Variants in KAT6A observed in about 807,000 individuals in gnomAD.
The protein encoded by KAT6A is histone acetyltransferase KAT6A.
Under a neutral mutation model 198.4 loss-of-function variants are expected in KAT6A, and 9 were observed. The ratio of observed to expected loss-of-function variants is 0.05; its 90% CI spans 0.03 to 0.08. The LOEUF is 0.08. Ranked by LOEUF, KAT6A falls within the 10% of genes least tolerant of loss-of-function variation. The pLI is 1.00. For synonymous variants in KAT6A, 890 were observed against 883.0 expected (o/e 1.01, Z -0.14); for missense variants, 2,077 against 2,509.9 (o/e 0.83, Z 3.69).
At chr8:42,027,952 T>A (rs979231274) in intron 2 of KAT6A, among the ~76,000 whole-genome samples, 1 of 152,192 alleles carries the variant, frequency 6.6e-6, no homozygotes, top group Non-Finnish European at 1.5e-5. Flanking sequence ...TTTTGCTATA[T>A]CCCATTTGTT....
chr8:41,986,351 A>T (rs1824601534), intron 3 of KAT6A, among the ~76,000 whole-genome samples: 1 of 150,826 alleles, frequency 6.6e-6, no homozygotes, highest in African/African-American at 2.4e-5. Context: ...GCTAGACTGC[A>T]GTATCAACAC....
At chr8:42,001,631 A>G (rs1276842726) in intron 2 of KAT6A, among the ~76,000 whole-genome samples, 2 of 152,226 alleles carry the variant, frequency 1.3e-5, no homozygotes, top group African/African-American at 4.8e-5. Context: ...AGTGCAGAGC[A>G]GAGGGAAGAG....
intron 6 of KAT6A, 48 bp from the exon 7 acceptor site, chr8:41,977,375 T>A: frequency 7.3e-7 from 1 of 1,378,774 alleles, no homozygotes; most frequent in Non-Finnish European, 1.0e-6. Context: ...AAGATACTTG[T>A]AAGGTTCCTT....
At chr8:42,027,704 G>T (rs2150919871) in intron 2 of KAT6A, among the ~76,000 whole-genome samples, 1 of 152,082 alleles carries the variant, frequency 6.6e-6, no homozygotes, top group African/African-American at 2.4e-5. Context: ...CTCGCTAGCA[G>T]TTTATCAATT....
At chr8:42,042,488 G>A (rs557297048) in intron 2 of KAT6A, among the ~76,000 whole-genome samples, 7 of 149,942 alleles carry the variant, frequency 4.7e-5, no homozygotes, top group East Asian at 3.9e-4. Flanking sequence ...TCTCTACATC[G>A]AAAATTTAAA....
At chr8:41,950,945 G>A (rs1224306269) in intron 9 of KAT6A, among the ~76,000 whole-genome samples, 1 of 151,978 alleles carries the variant, frequency 6.6e-6, no homozygotes, top group African/African-American at 2.4e-5. Context: ...GGAGAGGGGA[G>A]AGAGGAAGGG....
intron 3 of KAT6A, among the ~76,000 whole-genome samples, chr8:41,987,156 G>C (rs1824653614): frequency 6.6e-6 from 1 of 152,144 alleles, no homozygotes; most frequent in Admixed American, 6.5e-5. Flanking sequence ...ATATTCACCA[G>C]TGTTACAACT....
intron 2 of KAT6A, among the ~76,000 whole-genome samples, chr8:42,000,017 TAACTC>T (rs1825409402): frequency 6.6e-6 from 1 of 152,256 alleles, no homozygotes; most frequent in African/African-American, 2.4e-5. Flanking sequence ...TGCCACTTCT[TAACTC>T]AGGGCAAGTT....
rs181385104 is a variant in KAT6A, at chr8:41,972,362, G to A, written c.1482+2342C>T. 1.0e-3 allele frequency among the ~76,000 whole-genome samples: 159 copies of A among 152,260 alleles called. 1 individual carries two copies. Among genetic ancestry groups the A allele is most frequent in the Non-Finnish European group, 1.0e-4 (7 of 68,012 alleles). ...TAGATAAAAGTTTGATGAAAAACAG[G>A]TTATCTGCATTTCTGTCTCAAAGTA... is the stretch of plus-strand genomic sequence containing the variant. On this transcript the variant is annotated intron_variant, in intron 8 of 16. Transcript: ENST00000265713.
At chr8:41,964,045 A>C (rs1823338406) in intron 8 of KAT6A, among the ~76,000 whole-genome samples, 1 of 152,216 alleles carries the variant, frequency 6.6e-6, no homozygotes, top group Admixed American at 6.5e-5. Flanking sequence ...TAAAAATAGA[A>C]CAATAACATC....
At chr8:42,027,356 CTG>C (rs1469615768) in intron 2 of KAT6A, among the ~76,000 whole-genome samples, 1 of 152,072 alleles carries the variant, frequency 6.6e-6, no homozygotes, top group Non-Finnish European at 1.5e-5. Context: ...TTGAGAAAAA[CTG>C]GTGTTAGTTC....
At position 41,933,658 on chromosome 8, in the gene KAT6A, G is replaced by C; in HGVS notation, c.4562C>G (p.Ala1521Gly). 1 of 1,614,164 alleles carries C rather than the reference G, an allele frequency of 6.2e-7. No homozygotes were observed. The highest frequency in any genetic ancestry group is 1.1e-5 in the South Asian group (1 of 91,086). The change falls in exon 17 of 17, where the codon GCA (alanine) becomes GGA (glycine). Residue 1521 changes from alanine (A) to glycine (G), a missense_variant. Coordinates refer to ENST00000265713, the MANE Select transcript of KAT6A (RefSeq NM_006766.5). This position sits in a 1 kb window ranked among gnomAD's most constrained non-coding sequence, Gnocchi z 6.2. Reference sequence around the variant, plus strand: ...GGTCTCCATGTTCTGCATAGAGGGTGCGGACAGGGATCCTTGTTCTGGGCT... The same window carrying C: ...GGTCTCCATGTTCTGCATAGAGGGTCCGGACAGGGATCCTTGTTCTGGGCT... ...QISPEQGSLS[A>G]PSMQNMETSP...
At chr8:42,034,310 G>C (rs1457458845) in intron 2 of KAT6A, among the ~76,000 whole-genome samples, 1 of 151,996 alleles carries the variant, frequency 6.6e-6, no homozygotes, top group Admixed American at 6.6e-5. Context: ...CCTGAAATAT[G>C]GCTCAAGAAT....
intron 10 of KAT6A, 101 bp from the exon 11 acceptor site, chr8:41,948,013 TAGG>T: frequency 1.1e-6 from 1 of 931,092 alleles, no homozygotes; most frequent in East Asian, 2.9e-5. Context: ...CAGTCCAGAC[TAGG>T]AGAAGGTGTC....
intron 2 of KAT6A, among the ~76,000 whole-genome samples, chr8:41,990,078 G>A (rs1006319070): frequency 6.6e-6 from 1 of 151,546 alleles, no homozygotes; most frequent in Non-Finnish European, 1.5e-5. Context: ...CAACTCTAAA[G>A]AAGGCCTAGG....
intron 3 of KAT6A, among the ~76,000 whole-genome samples, chr8:41,986,901 G>C (rs1232897718): frequency 6.6e-6 from 1 of 152,090 alleles, no homozygotes. Context: ...AGCCAGGTGT[G>C]GTGGCAGGCA....
At chr8:42,016,561 T>G (rs1167609191) in intron 2 of KAT6A, among the ~76,000 whole-genome samples, 1 of 152,166 alleles carries the variant, frequency 6.6e-6, no homozygotes, top group East Asian at 1.9e-4. Context: ...GGTTGAGAGA[T>G]TAACAGTTGT....
chr8:41,987,360 A>C (rs1824666555), intron 3 of KAT6A, 95 bp downstream of exon 3: 1 of 731,302 alleles, frequency 1.4e-6, no homozygotes, highest in Non-Finnish European at 2.4e-6. Context: ...GACTGTATTA[A>C]TCTCATAAGG....
intron 3 of KAT6A, among the ~76,000 whole-genome samples, chr8:41,985,715 TTAAAGCCCA>T (rs1186598290): frequency 6.6e-6 from 1 of 152,184 alleles, no homozygotes; most frequent in African/African-American, 2.4e-5. Flanking sequence ...GAGTCAGTCC[TTAAAGCCCA>T]ACCTCCAGCT....
Sources: allele counts gnomAD v4.1 joint callset (sites outside exome capture counted in the v4.1 genomes callset), GRCh38; gene constraint gnomAD v4.1.1; non-coding constraint Gnocchi (gnomAD v3.1); transcripts MANE v1.5; gene names NCBI Gene and HGNC (gene_info 2026-07-23, HGNC 2026-07-21).